Variants in DLGAP2 observed in about 807,000 individuals in gnomAD.
DLGAP2 encodes the protein DLG associated protein 2, also known as disks large-associated protein 2.
DLGAP2 carries 26 observed loss-of-function variants against 100.3 expected under a neutral mutation model. The ratio of observed to expected loss-of-function variants is 0.26; its 90% CI spans 0.19 to 0.36. The LOEUF (loss-of-function observed/expected upper bound fraction) is 0.36. Ranked by LOEUF, DLGAP2 falls within the 10% of genes least tolerant of loss-of-function variation. The pLI is 1.00. For missense variants in DLGAP2, 1,858 were observed against 1,453.2 expected (o/e 1.28, Z -4.53); for synonymous variants, 886 against 630.1 (o/e 1.41, Z -6.08).
intron 2 of DLGAP2, among the ~76,000 whole-genome samples, chr8:956,226 T>C (rs1308007856): frequency 6.6e-6 from 1 of 152,220 alleles, no homozygotes; most frequent in African/African-American, 2.4e-5. Context: ...GATGTGATAT[T>C]GGAAACTTTT....
intron 1 of DLGAP2, among the ~76,000 whole-genome samples, chr8:745,233 T>G (rs1456063735): frequency 6.6e-6 from 1 of 152,244 alleles, no homozygotes. Context: ...ATTTTGACAT[T>G]CTGAGCAAAT....
chr8:1,257,437 C>A, intron 2 of DLGAP2, among the ~76,000 whole-genome samples: 1 of 152,160 alleles, frequency 6.6e-6, no homozygotes, highest in South Asian at 2.1e-4. Flanking sequence ...GCCCCTCCAC[C>A]CCCCCGCCCC....
intron 1 of DLGAP2, among the ~76,000 whole-genome samples, chr8:899,492 G>A (rs376548962): frequency 7.9e-5 from 12 of 152,366 alleles, no homozygotes; most frequent in African/African-American, 2.9e-4. Flanking sequence ...GCCTGCGAGA[G>A]GCAGAGGGGA....
At chr8:1,345,025 A>G (rs779745975) in intron 3 of DLGAP2, among the ~76,000 whole-genome samples, 3 of 152,220 alleles carry the variant, frequency 2.0e-5, no homozygotes, top group Middle Eastern at 3.2e-3. Flanking sequence ...TATTGGGACC[A>G]TTCATCTTTC....
chr8:815,773 A>G (rs1003785259), intron 1 of DLGAP2, among the ~76,000 whole-genome samples: 6 of 152,228 alleles, frequency 3.9e-5, no homozygotes, highest in African/African-American at 1.4e-4. Context: ...AACAGAGGCC[A>G]TACTGAAAGG....
intron 1 of DLGAP2, among the ~76,000 whole-genome samples, chr8:865,762 C>G (rs1267148892): frequency 2.6e-5 from 4 of 152,184 alleles, no homozygotes; most frequent in Non-Finnish European, 5.9e-5. Context: ...CCTTTTCTCT[C>G]CTGGCAGGGA....
At chr8:1,675,251 G>T (rs1463603895) in intron 10 of DLGAP2, among the ~76,000 whole-genome samples, 2 of 152,240 alleles carry the variant, frequency 1.3e-5, no homozygotes, top group Non-Finnish European at 2.9e-5. Flanking sequence ...TCTGTCTTCT[G>T]TGCGGCACCC....
intron 2 of DLGAP2, among the ~76,000 whole-genome samples, chr8:1,060,522 C>T (rs1212173973): frequency 2.0e-5 from 3 of 151,776 alleles, no homozygotes; most frequent in Non-Finnish European, 1.5e-5. Context: ...GTGTCCTGAG[C>T]GTCTCTTCTT....
chr8:1,202,252 G>A (rs1181263329), intron 2 of DLGAP2, among the ~76,000 whole-genome samples: 4 of 136,380 alleles, frequency 2.9e-5, no homozygotes, highest in Admixed American at 2.8e-4. Flanking sequence ...GTGTGTGTGT[G>A]TGTGTGTGTG....
intron 2 of DLGAP2, among the ~76,000 whole-genome samples, chr8:1,231,142 C>G (rs917300280): frequency 6.6e-6 from 1 of 152,012 alleles, no homozygotes; most frequent in Admixed American, 6.5e-5. Flanking sequence ...AACAGTTGAA[C>G]AAGCAAAAAA....
intron 3 of DLGAP2, among the ~76,000 whole-genome samples, chr8:1,384,400 T>C (rs1426241556): frequency 3.7e-5 from 4 of 108,316 alleles, no homozygotes; most frequent in South Asian, 3.4e-4. Flanking sequence ...CCTGAGAACT[T>C]GGTGCTCAGT....
In DLGAP2 at chr8:1,242,849, C is replaced by T. The variant is rs143279880; in HGVS notation, c.74-16002C>T. 7.6e-4 allele frequency among the ~76,000 whole-genome samples: 115 copies of T among 151,764 alleles called. 1 individual carries two copies. The highest frequency in any genetic ancestry group is 6.1e-3 in the Admixed American group (93 of 15,266). On this transcript the variant is annotated intron_variant, in intron 2 of 14. Transcript: ENST00000637795. Reference sequence around the variant, plus strand: ...ACCGATGGATAGATGGGTGGACGGACGGGCAGATGGACGGATGTGTGGATG... The same window carrying T: ...ACCGATGGATAGATGGGTGGACGGATGGGCAGATGGACGGATGTGTGGATG...
At chr8:879,257 A>G (rs1269401412) in intron 1 of DLGAP2, among the ~76,000 whole-genome samples, 1 of 152,220 alleles carries the variant, frequency 6.6e-6, no homozygotes, top group Non-Finnish European at 1.5e-5. Context: ...CTAGAGAAGA[A>G]TTATTCACTC....
At chr8:1,379,569 A>C (rs1234927731) in intron 3 of DLGAP2, 4 of 152,216 alleles carry the variant, frequency 2.6e-5, no homozygotes. Flanking sequence ...TCTTGTAAGA[A>C]CCGTAACCGC....
intron 8 of DLGAP2, among the ~76,000 whole-genome samples, chr8:1,662,196 C>G (rs554288382): frequency 2.0e-5 from 3 of 152,332 alleles, no homozygotes; most frequent in African/African-American, 7.2e-5. Flanking sequence ...GCCTCTTTCC[C>G]AAAATAATTT....
intron 1 of DLGAP2, among the ~76,000 whole-genome samples, chr8:776,327 G>T (rs1043841652): frequency 2.8e-4 from 43 of 151,920 alleles, no homozygotes; most frequent in African/African-American, 1.0e-3. Context: ...ATTTTTTGAA[G>T]GGTTTTTTGT....
At chr8:911,999 A>G (rs967939576) in intron 2 of DLGAP2, among the ~76,000 whole-genome samples, 13 of 152,242 alleles carry the variant, frequency 8.5e-5, no homozygotes, top group East Asian at 1.9e-4. Context: ...TTGTAAGCAT[A>G]ATACATTCTT....
At chr8:1,030,405 T>C (rs1211553612) in intron 2 of DLGAP2, among the ~76,000 whole-genome samples, 5 of 152,196 alleles carry the variant, frequency 3.3e-5, no homozygotes, top group Non-Finnish European at 7.3e-5. Context: ...GCTTTGAAGC[T>C]CCAAGGCCAG....
intron 2 of DLGAP2, among the ~76,000 whole-genome samples, chr8:1,036,525 C>T (rs1023137930): frequency 2.0e-5 from 3 of 152,138 alleles, no homozygotes; most frequent in South Asian, 2.1e-4. Context: ...GGATGGAAGG[C>T]GCTGTCCCTC....
Sources: allele counts gnomAD v4.1 joint callset (sites outside exome capture counted in the v4.1 genomes callset), GRCh38; gene constraint gnomAD v4.1.1; transcripts MANE v1.5; gene names NCBI Gene and HGNC (gene_info 2026-07-23, HGNC 2026-07-21).